Variants in ANKFN1 observed in about 807,000 individuals in gnomAD.
The protein encoded by ANKFN1 is ankyrin repeat and fibronectin type III domain containing 1.
ANKFN1 carries 74 observed loss-of-function variants against 108.7 expected under a neutral mutation model. The ratio of observed to expected loss-of-function variants is 0.68; its 90% CI spans 0.56 to 0.83. The LOEUF is 0.83. Ranked by LOEUF, ANKFN1 falls within the 40% of genes least tolerant of loss-of-function variation. The pLI is 0.00. For synonymous variants in ANKFN1, 547 were observed against 516.2 expected, an observed-to-expected ratio of 1.06 and a Z score of -0.81; for missense variants, 1,505 against 1,382.3, an observed-to-expected ratio of 1.09 and a Z score of -1.41.
upstream of ANKFN1, among the ~76,000 whole-genome samples, chr17:56,149,252 A>G (rs1469753057): frequency 6.6e-6 from 1 of 152,170 alleles, no homozygotes; most frequent in African/African-American, 2.4e-5. Context: ...GAGAGACTGG[A>G]GGCAAGAAAC....
At position 56,256,254 on chromosome 17, in the gene ANKFN1, A is replaced by C. The variant is rs149522103; in HGVS notation, c.53+28297A>C. Among the ~76,000 whole-genome samples the C allele has an allele frequency of 3.6e-3, 545 of 152,322 alleles. 12 individuals carry two copies. Among genetic ancestry groups the C allele is most frequent in the Admixed American group, 0.032 (495 of 15,288 alleles). On this transcript the variant is annotated intron_variant, in intron 3 of 20. Coordinates refer to ENST00000682825, the MANE Select transcript of ANKFN1 (RefSeq NM_001370326.1). ...TTTATTGGGAAATGGGAAAGTATTT[A>C]TTTTAATCCCTTGTTTGTGAGCTTG...
At chr17:56,467,954 G>C (rs1158072709) in intron 15 of ANKFN1, among the ~76,000 whole-genome samples, 1 of 152,182 alleles carries the variant, frequency 6.6e-6, no homozygotes, top group East Asian at 1.9e-4. Flanking sequence ...ATGTCCTTCA[G>C]CCTTCACTTG....
chr17:56,055,367 C>T (rs1336476226), intron 4 of ANKFN1, among the ~76,000 whole-genome samples: 1 of 150,864 alleles, frequency 6.6e-6, no homozygotes, highest in African/African-American at 2.4e-5. Flanking sequence ...GGATAATGGC[C>T]TTCAGCTTCA....
chr17:56,313,827 G>C (rs1016190985), intron 3 of ANKFN1, among the ~76,000 whole-genome samples: 10 of 152,124 alleles, frequency 6.6e-5, no homozygotes, highest in African/African-American at 2.2e-4. Context: ...GGTTAGTTAT[G>C]TTTCAATAAT....
chr17:56,389,227 A>G (rs1460856872), intron 8 of ANKFN1, among the ~76,000 whole-genome samples: 1 of 152,192 alleles, frequency 6.6e-6, no homozygotes, highest in Non-Finnish European at 1.5e-5. Flanking sequence ...CTCAGCAACT[A>G]AAAAACCAAA....
intron 1 of ANKFN1, among the ~76,000 whole-genome samples, chr17:56,199,764 T>C (rs922080997): frequency 1.3e-5 from 2 of 152,188 alleles, no homozygotes; most frequent in African/African-American, 4.8e-5. Flanking sequence ...AAATACGCTT[T>C]TAGTATAAAT....
chr17:56,112,808 A>G (rs1906042694), intron 4 of ANKFN1, among the ~76,000 whole-genome samples: 1 of 152,144 alleles, frequency 6.6e-6, no homozygotes, highest in African/African-American at 2.4e-5. Flanking sequence ...GCAATGGTTT[A>G]TTTAACTTTT....
At chr17:56,140,639 A>G (rs1485429157) in intron 4 of ANKFN1, among the ~76,000 whole-genome samples, 1 of 152,148 alleles carries the variant, frequency 6.6e-6, no homozygotes, top group Non-Finnish European at 1.5e-5. Context: ...CTGTTTGTTC[A>G]TCTAAAAAGA....
At chr17:56,219,453 G>T (rs915644509) in intron 2 of ANKFN1, among the ~76,000 whole-genome samples, 4 of 152,078 alleles carry the variant, frequency 2.6e-5, no homozygotes, top group Non-Finnish European at 5.9e-5. Flanking sequence ...TACCATGTTG[G>T]CCAGGCTGGT....
At chr17:56,203,737 C>T (rs992385519) in intron 1 of ANKFN1, among the ~76,000 whole-genome samples, 5 of 152,106 alleles carry the variant, frequency 3.3e-5, no homozygotes, top group Admixed American at 2.0e-4. Flanking sequence ...GTCAGCTCTC[C>T]GTGTACCTAG....
chr17:56,425,235 T>C (rs1033915856), intron 8 of ANKFN1, among the ~76,000 whole-genome samples: 1 of 152,104 alleles, frequency 6.6e-6, no homozygotes, highest in Non-Finnish European at 1.5e-5. Context: ...GGCTCACAGA[T>C]GCCTCAATGA....
chr17:56,238,454 C>T (rs1007770047), intron 3 of ANKFN1, among the ~76,000 whole-genome samples: 2 of 152,150 alleles, frequency 1.3e-5, no homozygotes, highest in African/African-American at 4.8e-5. Context: ...CTTTACGAAT[C>T]AAGGTGCTCC....
intron 16 of ANKFN1, 73 bp from the exon 17 acceptor site, chr17:56,480,595 T>C (rs1006598352): frequency 5.6e-5 from 85 of 1,507,120 alleles, no homozygotes; most frequent in Non-Finnish European, 7.2e-5. Context: ...TCTGGACACA[T>C]ACACTAAGAA....
chr17:56,055,027 T>C (rs1336998764), intron 4 of ANKFN1, among the ~76,000 whole-genome samples: 2 of 152,076 alleles, frequency 1.3e-5, no homozygotes, highest in Non-Finnish European at 2.9e-5. Context: ...GTGGTGGTTG[T>C]TGAAGGTTGA....
chr17:56,201,357 C>T (rs1168015451), intron 1 of ANKFN1, among the ~76,000 whole-genome samples: 2 of 152,194 alleles, frequency 1.3e-5, no homozygotes, highest in Non-Finnish European at 1.5e-5. Flanking sequence ...TTTGAGCGCT[C>T]CTTTCTCAGC....
At chr17:56,485,046 A>T (rs1474484546) in intron 18 of ANKFN1, among the ~76,000 whole-genome samples, 1 of 152,192 alleles carries the variant, frequency 6.6e-6, no homozygotes, top group Admixed American at 6.5e-5. Context: ...AATTTGGTGA[A>T]GTCTGTTAGC....
At chr17:56,465,413 T>G (rs961943815) in intron 14 of ANKFN1, among the ~76,000 whole-genome samples, 5 of 152,228 alleles carry the variant, frequency 3.3e-5, no homozygotes, top group Non-Finnish European at 5.9e-5. Flanking sequence ...AGATGTTGAC[T>G]TCCTGGCTCA....
chr17:56,401,526 A>G (rs1432236559), intron 8 of ANKFN1, among the ~76,000 whole-genome samples: 1 of 152,066 alleles, frequency 6.6e-6, no homozygotes, highest in African/African-American at 2.4e-5. Flanking sequence ...ATTTGTGTAC[A>G]TTAATCTTGT....
intron 4 of ANKFN1, among the ~76,000 whole-genome samples, chr17:56,138,730 C>T (rs535843026): frequency 1.4e-4 from 22 of 152,084 alleles, no homozygotes; most frequent in African/African-American, 4.3e-4. Flanking sequence ...AGGCTGGTCT[C>T]GAACTCCTGA....
Sources: gnomAD v4.1 joint callset for allele counts (sites outside exome capture counted in the v4.1 genomes callset) on GRCh38, gnomAD v4.1.1 for gene constraint, MANE v1.5 for transcripts, NCBI Gene and HGNC (gene_info 2026-07-23, HGNC 2026-07-21) for gene names.